KICS2: variants seen among roughly 807,000 people sequenced by gnomAD.
KICS2 encodes the protein KICSTOR subunit 2.
KICS2 carries 13 observed loss-of-function variants against 31.4 expected under a neutral mutation model. The observed-to-expected ratio is 0.41, with a 90% CI of 0.27 to 0.66. KICS2 has a LOEUF of 0.66. KICS2 is among the 30% of genes least tolerant of loss of function. KICS2 has a pLI of 0.28. For missense variants in KICS2, 455 were observed against 545.4 expected (o/e 0.83, Z 1.65); for synonymous variants, 209 against 214.8 (o/e 0.97, Z 0.24).
At chr12:64,212,484 C>T (rs1463717066) in intron 2 of KICS2, among the ~76,000 whole-genome samples, 2 of 152,150 alleles carry the variant, frequency 1.3e-5, no homozygotes, top group African/African-American at 2.4e-5. Flanking sequence ...AAGGTTCATC[C>T]ATGTTGTTGC....
chr12:64,221,909 T>C (rs2037687265), intron 1 of KICS2, 94 bp downstream of exon 1: 1 of 1,324,544 alleles, frequency 7.5e-7, no homozygotes, highest in Admixed American at 2.5e-5. Context: ...CGACTAGAAG[T>C]GACACAGAGA....
At chr12:64,207,183 A>C (rs748901651) in intron 2 of KICS2, among the ~76,000 whole-genome samples, 120 of 151,350 alleles carry the variant, frequency 7.9e-4, no homozygotes, top group South Asian at 1.3e-3. Context: ...ATGCACCTGT[A>C]GTCCCAGCTA....
Position 64,192,648 on chromosome 12 carries a change from G to C in KICS2, c.*1194C>G, listed in dbSNP as rs7972639. ...ACCAGTAACAACTCAATTACTCTTTGTGGCTTCTTTTTATTTTGAATCAAT... is the reference window on the plus strand; with the variant it reads ...ACCAGTAACAACTCAATTACTCTTTCTGGCTTCTTTTTATTTTGAATCAAT... On this transcript the variant is annotated 3_prime_UTR_variant, in exon 3 of 3. Transcript: ENST00000398055. The C allele has an allele frequency of 1.9e-3, 1,848 of 985,424 alleles. 28 individuals are homozygous for C. The African/African-American group carries it at 0.027, about 14-fold the overall frequency. The allele number at this position is 985,424 out of a possible 1,614,324, so 61.0% of individuals were successfully genotyped here.
At chr12:64,201,605 T>TAAAAA (rs531373424) in intron 2 of KICS2, among the ~76,000 whole-genome samples, 77 of 115,626 alleles carry the variant, frequency 6.7e-4, no homozygotes, top group African/African-American at 1.9e-3. Context: ...TAAAGTATAA[T>TAAAAA]AAAAAAAAAA....
chr12:64,187,452 A>G (rs1436937482), downstream of KICS2: 5 of 623,628 alleles, frequency 8.0e-6, no homozygotes, highest in Non-Finnish European at 1.4e-5. Flanking sequence ...CCCTAGAAAC[A>G]GACCTTGTTA....
chr12:64,218,249 G>C (rs1473743172), intron 1 of KICS2, among the ~76,000 whole-genome samples: 1 of 152,128 alleles, frequency 6.6e-6, no homozygotes, highest in African/African-American at 2.4e-5. Flanking sequence ...CCCACATCTA[G>C]GATAAAACCT....
Position 64,215,756 on chromosome 12 carries a change from G to T in KICS2, c.443C>A (p.Thr148Asn). 1 of 1,614,068 alleles carries T rather than the reference G, an allele frequency of 6.2e-7. No individual in the cohort carries two copies. Among genetic ancestry groups the T allele is most frequent in the Non-Finnish European group, 8.5e-7 (1 of 1,180,034 alleles). ...EIADFYEKMYTLSTQKFINAE... is the reference protein window; with the variant it reads ...EIADFYEKMYNLSTQKFINAE... ...ATTGATGAACTTCTGTGTGCTGAGG[G>T]TGTACATCTTCTCATAGAAGTCTGC... Residue 148 changes from threonine to asparagine, a missense_variant, in exon 2 of 3, where the codon ACC (threonine) becomes AAC (asparagine). Thr to Asn is a moderately conservative substitution (Grantham distance 65). Transcript: ENST00000398055.
intron 2 of KICS2, among the ~76,000 whole-genome samples, chr12:64,210,365 C>T (rs1313157808): frequency 1.3e-5 from 2 of 152,170 alleles, no homozygotes; most frequent in African/African-American, 4.8e-5. Context: ...AGGGTTTCAA[C>T]TAAGAACTGC....
At chr12:64,202,289 C>T (rs906806108) in intron 2 of KICS2, among the ~76,000 whole-genome samples, 3 of 152,112 alleles carry the variant, frequency 2.0e-5, no homozygotes, top group Middle Eastern at 3.4e-3. Flanking sequence ...ACCTGTGGCC[C>T]CAGCTACTCA....
chr12:64,205,598 A>AAAGAAGGGAAAAAGGGAAGG (rs1465676427), intron 2 of KICS2, among the ~76,000 whole-genome samples: 1 of 11,014 alleles, frequency 9.1e-5, no homozygotes, highest in Non-Finnish European at 2.0e-4. Context: ...TGCTCTAAGG[A>AAAGAAGGGAAAAAGGGAAGG]AAGGAGGGAA....
chr12:64,195,906 G>C (rs1413677473), intron 2 of KICS2, among the ~76,000 whole-genome samples: 1 of 152,174 alleles, frequency 6.6e-6, no homozygotes, highest in African/African-American at 2.4e-5. Context: ...CTTAAAAAAC[G>C]GCGCACCACG....
At chr12:64,215,987 C>T (rs1231701629) in intron 1 of KICS2, 24 bp from the exon 2 acceptor site, 4 of 1,588,704 alleles carry the variant, frequency 2.5e-6, no homozygotes, top group Admixed American at 1.8e-5. Flanking sequence ...AACATAAGCA[C>T]ATGACAAGTA....
In KICS2 at chr12:64,193,720, G is replaced by C; in HGVS notation, c.*122C>G. 1 of 1,446,172 alleles carries C rather than the reference G, an allele frequency of 6.9e-7. No individual in the cohort carries two copies. Among genetic ancestry groups the C allele is most frequent in the Non-Finnish European group, 9.1e-7 (1 of 1,104,056 alleles). 89.6% of individuals were successfully genotyped at this position (1,446,172 alleles called of 1,614,324 possible). A position where few individuals can be genotyped will look rare whatever the true frequency, so the allele number is the denominator to read the frequency against. ...AAAGTGTGCAACACAGGGAGGATTT[G>C]TCTTTAATTTAGTTCTGAAAGAGGC... On this transcript the variant is annotated 3_prime_UTR_variant, in exon 3 of 3. Coordinates refer to ENST00000398055, the MANE Select transcript of KICS2 (RefSeq NM_152440.5).
chr12:64,221,787 T>A, intron 1 of KICS2: 1 of 623,368 alleles, frequency 1.6e-6, no homozygotes. Flanking sequence ...GCAAAGAGCA[T>A]CTACCCAGTT....
At chr12:64,214,527 T>C (rs2037610779) in intron 2 of KICS2, among the ~76,000 whole-genome samples, 1 of 152,160 alleles carries the variant, frequency 6.6e-6, no homozygotes, top group African/African-American at 2.4e-5. Context: ...TATCCTCTCA[T>C]CTCAAAACAC....
At chr12:64,207,274 A>G (rs2037547513) in intron 2 of KICS2, among the ~76,000 whole-genome samples, 1 of 134,030 alleles carries the variant, frequency 7.5e-6, no homozygotes, top group Admixed American at 8.5e-5. Context: ...ACTGCATTCT[A>G]GCCAAGGTGA....
chr12:64,215,678 C>A lies in KICS2; in HGVS notation c.521G>T (p.Arg174Ile). Residue 174 changes from arginine (R) to isoleucine (I), a missense_variant and splice_region_variant, in exon 2 of 3, where the codon AGA becomes ATA. Coordinates refer to ENST00000398055, the MANE Select transcript of KICS2 (RefSeq NM_152440.5). Reference protein sequence around the residue: ...LDAIMKKYSSRFHHPILSPLE... With the variant: ...LDAIMKKYSSIFHHPILSPLE... Reference sequence around the variant, plus strand: ...CTCCCTCCCTCCTCCCCACACTGACCTGGAGCTGTATTTTTTCATGATGGC... The same window carrying A: ...CTCCCTCCCTCCTCCCCACACTGACATGGAGCTGTATTTTTTCATGATGGC... 1 of 1,611,884 alleles carries A rather than the reference C, an allele frequency of 6.2e-7. No individual in the cohort carries two copies. Among genetic ancestry groups the A allele is most frequent in the Non-Finnish European group, 8.5e-7 (1 of 1,179,228 alleles).
intron 1 of KICS2, chr12:64,221,662 G>A (rs927439854): frequency 2.4e-5 from 9 of 370,840 alleles, no homozygotes; most frequent in Admixed American, 4.3e-5. Context: ...TTGCTCTTCT[G>A]GCTGCAGCGT....
chr12:64,220,399 A>AT (rs748231663), intron 1 of KICS2, among the ~76,000 whole-genome samples: 1 of 152,192 alleles, frequency 6.6e-6, no homozygotes, highest in Non-Finnish European at 1.5e-5. Flanking sequence ...AGAGTAGCAG[A>AT]TTTTTTTAAA....
Sources: gnomAD v4.1 joint callset for allele counts (sites outside exome capture counted in the v4.1 genomes callset) on GRCh38, gnomAD v4.1.1 for gene constraint, MANE v1.5 for transcripts, NCBI Gene and HGNC (gene_info 2026-07-23, HGNC 2026-07-21) for gene names.